Variants in IDE observed in about 807,000 individuals in gnomAD.
IDE encodes the protein insulin-degrading enzyme.
In IDE, 58 loss-of-function variants were observed where a neutral mutation model predicts 133.2. The observed-to-expected ratio is 0.44, with a 90% CI of 0.35 to 0.54. The LOEUF is 0.54. Among genes scored for constraint, IDE ranks in the 20% least tolerant of loss-of-function variants. The pLI is 0.00. For missense variants in IDE, 981 were observed against 1,234.0 expected, an observed-to-expected ratio of 0.79 and a Z score of 3.07; for synonymous variants, 396 against 421.3, an observed-to-expected ratio of 0.94 and a Z score of 0.73.
chr10:92,507,460 TCAG>T (rs1848356131), intron 9 of IDE, 112 bp downstream of exon 9: 4 of 701,356 alleles, frequency 5.7e-6, no homozygotes, highest in Non-Finnish European at 7.6e-6. Context: ...ATTTTAGACT[TCAG>T]TTAGGAAAAA....
Position 92,472,707 on chromosome 10 carries a change from C to T in IDE, c.2116+2134G>A, listed in dbSNP as rs568293737. 6.1e-5 allele frequency among the ~76,000 whole-genome samples: 9 copies of T among 147,750 alleles called. No individual in the cohort carries two copies. In the South Asian group the frequency reaches 6.4e-4, roughly 11 times the overall value. On this transcript the variant is annotated intron_variant, in intron 17 of 24. Transcript: ENST00000265986. ...AGGCTGGAGTGCAGTGGCACGATCT[C>T]GGCTCACTGCAACCTCTGCCTCCTG...
At chr10:92,504,495 AT>A in intron 11 of IDE, among the ~76,000 whole-genome samples, 1 of 152,298 alleles carries the variant, frequency 6.6e-6, no homozygotes, top group East Asian at 1.9e-4. Context: ...TTATTATTCT[AT>A]TTTATTTATG....
At chr10:92,548,545 G>A (rs1332845789) in intron 1 of IDE, among the ~76,000 whole-genome samples, 1 of 151,816 alleles carries the variant, frequency 6.6e-6, no homozygotes, top group Non-Finnish European at 1.5e-5. Context: ...ATCCATGAAT[G>A]GTAACTTGAT....
intron 4 of IDE, among the ~76,000 whole-genome samples, chr10:92,525,412 AT>A (rs1414416248): frequency 4.6e-5 from 7 of 152,248 alleles, no homozygotes; most frequent in Non-Finnish European, 7.3e-5. Flanking sequence ...TAAAGGCTGT[AT>A]ATGACAAACT....
At chr10:92,538,686 C>T (rs1370727946) in intron 1 of IDE, among the ~76,000 whole-genome samples, 1 of 151,278 alleles carries the variant, frequency 6.6e-6, no homozygotes, top group African/African-American at 2.4e-5. Flanking sequence ...GCAATTAGTG[C>T]AGTGAAGGGA....
At chr10:92,558,349 T>C (rs1039508647) in intron 1 of IDE, among the ~76,000 whole-genome samples, 1 of 152,058 alleles carries the variant, frequency 6.6e-6, no homozygotes, top group African/African-American at 2.4e-5. Flanking sequence ...CCACCATGCC[T>C]GGCCAATAAT....
At chr10:92,460,513 T>C (rs1364104652) in intron 22 of IDE, among the ~76,000 whole-genome samples, 2 of 152,264 alleles carry the variant, frequency 1.3e-5, no homozygotes, top group East Asian at 3.9e-4. Context: ...GTTTAGAGCA[T>C]GGGTCAATCT....
At chr10:92,556,619 G>C (rs185926877) in intron 1 of IDE, among the ~76,000 whole-genome samples, 1 of 152,058 alleles carries the variant, frequency 6.6e-6, no homozygotes, top group African/African-American at 2.4e-5. Flanking sequence ...TTAGCCGGGC[G>C]TGGTGGTGGG....
chr10:92,565,765 T>C (rs1843508337), intron 1 of IDE, among the ~76,000 whole-genome samples: 1 of 152,174 alleles, frequency 6.6e-6, no homozygotes, highest in African/African-American at 2.4e-5. Flanking sequence ...TATCCAGTAA[T>C]CACTTCAGAC....
intron 13 of IDE, among the ~76,000 whole-genome samples, chr10:92,486,598 G>T (rs1281640578): frequency 6.6e-6 from 1 of 152,058 alleles, no homozygotes; most frequent in Non-Finnish European, 1.5e-5. Context: ...GTTTAGAAGG[G>T]AGAATGTGCT....
intron 18 of IDE, among the ~76,000 whole-genome samples, chr10:92,469,747 G>A (rs571632191): frequency 5.3e-4 from 81 of 152,256 alleles, no homozygotes; most frequent in Non-Finnish European, 1.0e-3. Flanking sequence ...AGACTGCCAC[G>A]GAAATTTTGT....
chr10:92,458,615 C>A (rs1845173912), intron 22 of IDE, among the ~76,000 whole-genome samples: 1 of 150,330 alleles, frequency 6.7e-6, no homozygotes, highest in African/African-American at 2.4e-5. Context: ...GATTCTCCTG[C>A]CTCAGCCTCC....
intron 4 of IDE, among the ~76,000 whole-genome samples, chr10:92,517,095 A>T (rs1337077100): frequency 6.6e-6 from 1 of 152,102 alleles, no homozygotes; most frequent in African/African-American, 2.4e-5. Flanking sequence ...TATGTTCTTG[A>T]AGTGGTTTAA....
intron 1 of IDE, among the ~76,000 whole-genome samples, chr10:92,556,712 C>T (rs962088068): frequency 5.3e-5 from 8 of 151,928 alleles, no homozygotes; most frequent in South Asian, 2.1e-4. Context: ...GAGCTGAGAT[C>T]GCGCCACTGC....
At chr10:92,560,624 A>G (rs1181142121) in intron 1 of IDE, among the ~76,000 whole-genome samples, 1 of 151,960 alleles carries the variant, frequency 6.6e-6, no homozygotes, top group Non-Finnish European at 1.5e-5. Context: ...CTCTACTAAA[A>G]ATACAAAAAT....
chr10:92,490,775 T>C (rs1025017827), intron 11 of IDE, among the ~76,000 whole-genome samples, 180 bp from the exon 12 acceptor site: 9 of 152,218 alleles, frequency 5.9e-5, no homozygotes, highest in African/African-American at 2.2e-4. Context: ...TTTCTGATCA[T>C]AGTCCCTGTT....
At chr10:92,527,541 A>C (rs1183392170) in intron 4 of IDE, among the ~76,000 whole-genome samples, 1 of 152,118 alleles carries the variant, frequency 6.6e-6, no homozygotes, top group African/African-American at 2.4e-5. Flanking sequence ...ATTTACATTT[A>C]TGTTATATAG....
intron 3 of IDE, 98 bp downstream of exon 3, chr10:92,534,480 T>C (rs1850130459): frequency 6.6e-6 from 5 of 760,800 alleles, no homozygotes; most frequent in Non-Finnish European, 1.1e-5. Flanking sequence ...AAAATACCTT[T>C]TGTTAAATTA....
At chr10:92,509,225 C>G (rs375842868) in intron 6 of IDE, among the ~76,000 whole-genome samples, 1 of 152,222 alleles carries the variant, frequency 6.6e-6, no homozygotes, top group Non-Finnish European at 1.5e-5. Flanking sequence ...AAGACCAGAA[C>G]ATATTGATAT....
Sources: allele counts gnomAD v4.1 joint callset (sites outside exome capture counted in the v4.1 genomes callset), GRCh38; gene constraint gnomAD v4.1.1; transcripts MANE v1.5; gene names NCBI Gene and HGNC (gene_info 2026-07-23, HGNC 2026-07-21).